AAMDC: variants seen among roughly 807,000 people sequenced by gnomAD.
The protein encoded by AAMDC is adipogenesis associated Mth938 domain containing, also known as mth938 domain-containing protein.
AAMDC carries 16 observed loss-of-function variants against 15.5 expected under a neutral mutation model. That is an observed-to-expected ratio of 1.03 (90% CI 0.70 to 1.57). AAMDC has a LOEUF of 1.57. Ranked by LOEUF, AAMDC falls within the 40% of genes most tolerant of loss-of-function variation. The pLI is 0.00. For synonymous variants in AAMDC, 51 were observed against 51.6 expected (o/e 0.99, Z 0.05); for missense variants, 141 against 144.9 (o/e 0.97, Z 0.14).
At chr11:77,823,790 T>C (rs1949047576) in intron 1 of AAMDC, among the ~76,000 whole-genome samples, 1 of 152,108 alleles carries the variant, frequency 6.6e-6, no homozygotes. Context: ...GGAATTTCTA[T>C]GGAAAGAACC....
At chr11:77,862,604 A>G (rs1436792419) in intron 2 of AAMDC, among the ~76,000 whole-genome samples, 1 of 151,970 alleles carries the variant, frequency 6.6e-6, no homozygotes, top group Admixed American at 6.6e-5. Context: ...TTAGTTGGGG[A>G]AGCAGTTGGG....
At chr11:77,898,835 C>T (rs1364683460) in intron 5 of AAMDC, among the ~76,000 whole-genome samples, 2 of 152,014 alleles carry the variant, frequency 1.3e-5, no homozygotes, top group Non-Finnish European at 2.9e-5. Context: ...GCATGGCCAA[C>T]ATGGTAAAAC....
At chr11:77,895,527 GAAAAAAA>G (rs71046921) in intron 5 of AAMDC, among the ~76,000 whole-genome samples, 10 of 39,258 alleles carry the variant, frequency 2.5e-4, no homozygotes, top group East Asian at 9.1e-4. Context: ...TTCTTTTCCT[GAAAAAAA>G]AAAAAAAAAA....
In AAMDC at chr11:77,872,250, A is replaced by G; in HGVS notation, c.304A>G (p.Lys102Glu). 1 of 1,613,796 alleles carries G rather than the reference A, an allele frequency of 6.2e-7. No individual in the cohort carries two copies. The highest frequency in any genetic ancestry group is 8.5e-7 in the Non-Finnish European group (1 of 1,179,852). The change falls in exon 4 of 4, where the codon AAG (lysine) becomes GAG (glutamate). Residue 102 changes from lysine (K) to glutamate (E), a missense_variant. Physicochemically the swap from Lys to Glu is moderately conservative, Grantham distance 56. Coordinates refer to ENST00000393427, the MANE Select transcript of AAMDC (RefSeq NM_024684.4). Reference protein sequence around the residue: ...VRVLQTEQAVKEYNALVAQGV... With the variant: ...VRVLQTEQAVEEYNALVAQGV... ...GGTCCTCCAGACAGAGCAGGCAGTG[A>G]AGGAGTATAATGCCTTGGTTGCCCA...
At chr11:77,826,488 A>G (rs986963061) in intron 1 of AAMDC, among the ~76,000 whole-genome samples, 1 of 152,204 alleles carries the variant, frequency 6.6e-6, no homozygotes, top group Non-Finnish European at 1.5e-5. Context: ...TTGACATCCT[A>G]TACAGCAAGG....
chr11:77,831,243 T>A (rs1191853022), intron 1 of AAMDC, among the ~76,000 whole-genome samples: 1 of 152,198 alleles, frequency 6.6e-6, no homozygotes, highest in African/African-American at 2.4e-5. Context: ...CCCTCATCAC[T>A]GCTAGTGGAA....
intron 5 of AAMDC, among the ~76,000 whole-genome samples, chr11:77,880,301 C>T (rs149181124): frequency 6.6e-6 from 1 of 152,284 alleles, no homozygotes; most frequent in Non-Finnish European, 1.5e-5. Context: ...AAGCTTCTCT[C>T]TATGGGTCAG....
intron 1 of AAMDC, among the ~76,000 whole-genome samples, chr11:77,836,783 T>C (rs1041551673): frequency 3.3e-5 from 5 of 152,102 alleles, no homozygotes; most frequent in African/African-American, 1.2e-4. Flanking sequence ...CTGAACAACA[T>C]GGAGAAACGC....
At position 77,860,165 on chromosome 11, in the gene AAMDC, G is replaced by C. The variant is rs189789909; in HGVS notation, c.133-9557G>C. On this transcript the variant is annotated intron_variant, in intron 2 of 3. Transcript: ENST00000393427. Reference sequence around the variant, plus strand: ...ATACGAAGTCTTGCCCCGTTGGCAAGCTTAACACTGGGGCTTGGGTTAGGG... The same window carrying C: ...ATACGAAGTCTTGCCCCGTTGGCAACCTTAACACTGGGGCTTGGGTTAGGG... 1.3e-3 allele frequency among the ~76,000 whole-genome samples: 191 copies of C among 152,356 alleles called. 3 individuals are homozygous for C. Among genetic ancestry groups the C allele is most frequent in the South Asian group, 9.9e-3 (48 of 4,832 alleles).
intron 5 of AAMDC, chr11:77,891,552 G>C: frequency 6.4e-7 from 1 of 1,562,708 alleles, no homozygotes. Flanking sequence ...TATCTAATGA[G>C]TGGGCATGTG....
At chr11:77,862,977 T>G (rs1228466604) in intron 2 of AAMDC, among the ~76,000 whole-genome samples, 1 of 152,164 alleles carries the variant, frequency 6.6e-6, no homozygotes, top group East Asian at 1.9e-4. Flanking sequence ...CCTTCATGGT[T>G]GCCAAATGTT....
downstream of AAMDC, among the ~76,000 whole-genome samples, chr11:77,872,599 C>G (rs186309835): frequency 3.2e-4 from 49 of 152,296 alleles, 1 homozygote; most frequent in East Asian, 9.1e-3. Flanking sequence ...TCTAGACAGG[C>G]TGTTCTACTA....
At chr11:77,856,278 G>A (rs1039953187) in intron 2 of AAMDC, among the ~76,000 whole-genome samples, 14 of 152,188 alleles carry the variant, frequency 9.2e-5, no homozygotes, top group Middle Eastern at 6.8e-3. Context: ...CCTCATCTCC[G>A]AGACCTTCTC....
At chr11:77,862,217 C>T (rs1950911694) in intron 2 of AAMDC, among the ~76,000 whole-genome samples, 1 of 152,196 alleles carries the variant, frequency 6.6e-6, no homozygotes, top group African/African-American at 2.4e-5. Context: ...TCTCATTCCT[C>T]TGTTGTCATC....
chr11:77,875,818 A>C (rs2136333602), downstream of AAMDC, among the ~76,000 whole-genome samples: 1 of 152,312 alleles, frequency 6.6e-6, no homozygotes, highest in Admixed American at 6.5e-5. Context: ...CAGTCTGAGG[A>C]GCACATTCCC....
rs200436609 is a variant in AAMDC at position 77,872,295 on chromosome 11, G to A, written c.349G>A (p.Val117Ile). 6.2e-7 allele frequency: 1 copy of A among 1,612,770 alleles called. No individual in the cohort carries two copies. Among genetic ancestry groups the A allele is most frequent in the East Asian group, 2.2e-5 (1 of 44,816 alleles). The change falls in exon 4 of 4, where the codon GTC (valine) becomes ATC (isoleucine). Residue 117 changes from valine to isoleucine, a missense_variant. Transcript: ENST00000393427. ...LVAQGVRVGG[V>I]FHSTC is the part of the protein sequence containing the mutation. ...TGCCCAAGGGGTCAGGGTGGGAGGT[G>A]TCTTCCATTCCACCTGCTGATGGAG...
chr11:77,830,592 A>G (rs1949376993), intron 1 of AAMDC, among the ~76,000 whole-genome samples: 1 of 150,662 alleles, frequency 6.6e-6, no homozygotes, highest in Non-Finnish European at 1.5e-5. Context: ...CCCTTCTTCC[A>G]AATATACTCT....
intron 1 of AAMDC, chr11:77,829,664 A>G (rs2136061344): frequency 6.6e-6 from 1 of 152,342 alleles, no homozygotes; most frequent in South Asian, 2.1e-4. Flanking sequence ...GAAGAAAACA[A>G]GGGTAAATCT....
chr11:77,903,590 C>T (rs1591036592), downstream of AAMDC: 1 of 1,613,728 alleles, frequency 6.2e-7, no homozygotes. Context: ...TACAAAGGGG[C>T]AGCTACATTC....
Sources: gnomAD v4.1 joint callset for allele counts (sites outside exome capture counted in the v4.1 genomes callset) on GRCh38, gnomAD v4.1.1 for gene constraint, MANE v1.5 for transcripts, NCBI Gene and HGNC (gene_info 2026-07-23, HGNC 2026-07-21) for gene names.